Variants in CBLN2 observed in about 807,000 individuals in gnomAD.
CBLN2 encodes cerebellin 2 precursor.
A neutral mutation model predicts 15.0 loss-of-function variants in CBLN2; 7 were observed. That is an observed-to-expected ratio of 0.47 (90% CI 0.27 to 0.88). CBLN2 has a LOEUF of 0.88. Among genes scored for constraint, CBLN2 ranks in the 40% least tolerant of loss-of-function variants. CBLN2 has a pLI of 0.14. For missense variants in CBLN2, 242 were observed against 304.5 expected (o/e 0.79, Z 1.53); for synonymous variants, 149 against 135.2 (o/e 1.10, Z -0.71).
chr18:72,567,499 C>A (rs982480327), intron 1 of CBLN2, among the ~76,000 whole-genome samples: 63 of 152,108 alleles, frequency 4.1e-4, no homozygotes, highest in Non-Finnish European at 6.8e-4. Context: ...CAGGCATGTC[C>A]ATACACATAC....
At chr18:72,580,088 T>C (rs1211920155) in intron 1 of CBLN2, among the ~76,000 whole-genome samples, 1 of 117,976 alleles carries the variant, frequency 8.5e-6, no homozygotes, top group Admixed American at 8.5e-5. Flanking sequence ...TTTTCCAAAT[T>C]ATAGCATAAT....
chr18:72,620,986 C>T (rs2069697125), intron 1 of CBLN2, among the ~76,000 whole-genome samples: 1 of 152,102 alleles, frequency 6.6e-6, no homozygotes, highest in African/African-American at 2.4e-5. Flanking sequence ...AGAAGAGATC[C>T]TGAGCTTTCC....
At chr18:72,542,633 C>T (rs1402507914) in intron 2 of CBLN2, among the ~76,000 whole-genome samples, 1 of 152,110 alleles carries the variant, frequency 6.6e-6, no homozygotes, top group Non-Finnish European at 1.5e-5. Context: ...ACCGCCACCC[C>T]GCCCATTCAC....
chr18:72,625,812 C>CTATATATA (rs1356605655), intron 1 of CBLN2, among the ~76,000 whole-genome samples: 54 of 69,068 alleles, frequency 7.8e-4, no homozygotes, highest in South Asian at 1.3e-3. Flanking sequence ...CTCTCTCTCT[C>CTATATATA]TCTCTCTATA....
intron 1 of CBLN2, among the ~76,000 whole-genome samples, chr18:72,619,595 C>T (rs983195637): frequency 6.6e-6 from 1 of 152,052 alleles, no homozygotes; most frequent in Non-Finnish European, 1.5e-5. Context: ...CAGTGTAATC[C>T]ACCTGTATAG....
chr18:72,580,230 ATAT>A (rs1380534302), intron 1 of CBLN2, among the ~76,000 whole-genome samples: 2 of 152,108 alleles, frequency 1.3e-5, no homozygotes, highest in African/African-American at 4.8e-5. Flanking sequence ...TCAACTCTAA[ATAT>A]TATACTTTAT....
At chr18:72,594,224 A>T (rs2069498689) in intron 1 of CBLN2, among the ~76,000 whole-genome samples, 1 of 152,174 alleles carries the variant, frequency 6.6e-6, no homozygotes. Flanking sequence ...TAGCATGTGT[A>T]TACCTATGTA....
chr18:72,543,623 C>T lies in CBLN2; in HGVS notation c.-211-93G>A, dbSNP rs1274642823. The T allele has an allele frequency of 1.0e-5, 4 of 389,054 alleles. No individual in the cohort carries two copies. Among genetic ancestry groups the T allele is most frequent in the Non-Finnish European group, 9.1e-6 (2 of 220,262 alleles). The allele number at this position is 389,054 out of a possible 1,614,324, so 24.1% of individuals were successfully genotyped here. A position where few individuals can be genotyped will look rare whatever the true frequency, so the allele number is the denominator to read the frequency against. ...GCGCGTGGCCAATAACCGCGCCGCCCCGCCCTGCCGCTTTCCCGCGCCAGC... is the reference window on the plus strand; with the variant it reads ...GCGCGTGGCCAATAACCGCGCCGCCTCGCCCTGCCGCTTTCCCGCGCCAGC... On this transcript the variant is annotated intron_variant, in intron 1 of 4. Transcript: ENST00000269503. The surrounding 1 kb of genome is among the most constrained non-coding windows in gnomAD (Gnocchi z 6.8).
chr18:72,625,500 T>C (rs1169807745), intron 1 of CBLN2, among the ~76,000 whole-genome samples: 1 of 151,740 alleles, frequency 6.6e-6, no homozygotes, highest in African/African-American at 2.4e-5. Context: ...GGGTCAACCA[T>C]GATGTTTTTT....
intron 1 of CBLN2, among the ~76,000 whole-genome samples, chr18:72,570,357 C>T (rs1404909404): frequency 1.3e-5 from 2 of 150,210 alleles, no homozygotes; most frequent in Non-Finnish European, 3.0e-5. Context: ...CCCACCTCAG[C>T]CTCCCAGGTA....
rs181436594 is a variant in CBLN2, at chr18:72,568,438, G to A, written c.16-29666C>T. Among the ~76,000 whole-genome samples the A allele has an allele frequency of 3.3e-3, 504 of 152,074 alleles. 2 individuals are homozygous for A. Among genetic ancestry groups the A allele is most frequent in the African/African-American group, 0.012 (478 of 41,484 alleles). ...ATGTCAGTAGCTTCCAAATGACCACGGCAGGCATATTTCAATAGTGTGATG... is the reference window on the plus strand; with the variant it reads ...ATGTCAGTAGCTTCCAAATGACCACAGCAGGCATATTTCAATAGTGTGATG... On this transcript the variant is annotated intron_variant, in intron 1 of 2. Transcript: ENST00000581073.
rs2069077932 is a variant in CBLN2, at chr18:72,537,921, T to C, written c.*255A>G. On this transcript the variant is annotated 3_prime_UTR_variant, in exon 5 of 5. Coordinates refer to ENST00000269503, the MANE Select transcript of CBLN2 (RefSeq NM_182511.4). ...CTTTACAATCACAGGTACAAATTGC[T>C]CAAATCGATAATTTCATTTCTCCTT... is the stretch of plus-strand genomic sequence containing the variant. 2 of 535,102 alleles carry C rather than the reference T, an allele frequency of 3.7e-6. No homozygotes were observed. Among genetic ancestry groups the C allele is most frequent in the Non-Finnish European group, 6.7e-6 (2 of 298,788 alleles). The allele number at this position is 535,102 out of a possible 1,614,324, so 33.1% of individuals were successfully genotyped here.
chr18:72,584,572 G>A (rs1010826723), intron 1 of CBLN2, among the ~76,000 whole-genome samples: 4 of 151,808 alleles, frequency 2.6e-5, no homozygotes, highest in Non-Finnish European at 5.9e-5. Flanking sequence ...AAAGTGCTGG[G>A]ATTACATGCA....
intron 1 of CBLN2, among the ~76,000 whole-genome samples, chr18:72,564,493 A>G (rs369592027): frequency 2.4e-4 from 37 of 152,294 alleles, no homozygotes; most frequent in African/African-American, 7.9e-4. Context: ...CTTTTGAAAT[A>G]ACCTAGTCAG....
chr18:72,635,166 G>A (rs528034422), intron 1 of CBLN2, among the ~76,000 whole-genome samples: 3 of 152,138 alleles, frequency 2.0e-5, no homozygotes, highest in African/African-American at 7.2e-5. Flanking sequence ...GACTCAAGTA[G>A]CATTAATTTC....
intron 1 of CBLN2, among the ~76,000 whole-genome samples, chr18:72,606,325 A>G (rs2069583341): frequency 6.6e-6 from 1 of 152,214 alleles, no homozygotes; most frequent in South Asian, 2.1e-4. Context: ...CTAATGTAGA[A>G]CAGGTTAATG....
chr18:72,638,336 C>T (rs930491723), exon 1 of CBLN2: 5 of 398,430 alleles, frequency 1.3e-5, no homozygotes, highest in African/African-American at 1.0e-4. Flanking sequence ...TTGTCCCAAT[C>T]CATTCCAGTA....
At chr18:72,637,288 A>T (rs1424820163) in intron 1 of CBLN2, among the ~76,000 whole-genome samples, 1 of 152,140 alleles carries the variant, frequency 6.6e-6, no homozygotes, top group Non-Finnish European at 1.5e-5. Context: ...AAGCAAAAAA[A>T]AAAAATGGCC....
exon 1 of CBLN2, chr18:72,638,350 A>C: frequency 2.5e-6 from 1 of 398,590 alleles, no homozygotes; most frequent in Non-Finnish European, 4.4e-6. Context: ...TCCAGTACTC[A>C]CAGAAAATGA....
Sources: gnomAD v4.1 joint callset for allele counts (sites outside exome capture counted in the v4.1 genomes callset) on GRCh38, gnomAD v4.1.1 for gene constraint, Gnocchi (gnomAD v3.1) non-coding constraint, MANE v1.5 for transcripts, NCBI Gene and HGNC (gene_info 2026-07-23, HGNC 2026-07-21) for gene names.